ACOT7: variants seen among roughly 807,000 people sequenced by gnomAD.
The protein encoded by ACOT7 is cytosolic acyl coenzyme A thioester hydrolase.
ACOT7 carries 12 observed loss-of-function variants against 40.2 expected under a neutral mutation model. The observed-to-expected ratio is 0.30, with a 90% CI of 0.19 to 0.48. ACOT7 has a LOEUF of 0.48. ACOT7 is among the 20% of genes least tolerant of loss of function. The pLI is 0.99. For synonymous variants in ACOT7, 228 were observed against 219.5 expected (o/e 1.04, Z -0.34); for missense variants, 395 against 530.8 (o/e 0.74, Z 2.51).
intron 1 of ACOT7, among the ~76,000 whole-genome samples, chr1:6,378,896 G>T (rs1283093619): frequency 6.6e-6 from 1 of 151,634 alleles, no homozygotes; most frequent in African/African-American, 2.4e-5. Context: ...TATTGCTCAA[G>T]GACTTTTTTT....
At chr1:6,320,237 A>G (rs1170085248) in intron 5 of ACOT7, among the ~76,000 whole-genome samples, 1 of 152,228 alleles carries the variant, frequency 6.6e-6, no homozygotes, top group East Asian at 1.9e-4. Context: ...GGGATCCGAA[A>G]AGGAGAGTTT....
Position 6,288,779 on chromosome 1 carries a change from T to G in ACOT7, c.829+6085A>C, listed in dbSNP as rs1254469954. Among the ~76,000 whole-genome samples the G allele has an allele frequency of 6.6e-6, 1 of 152,198 alleles. No individual in the cohort carries two copies. Among genetic ancestry groups the G allele is most frequent in the African/African-American group, 2.4e-5 (1 of 41,450 alleles). ...TGAGGCCTCTCCCAGCCACGACAAG[T>G]GCCCCAAGTTCGTAAGTTCCTCCTA... On this transcript the variant is annotated intron_variant, in intron 7 of 8. Transcript: ENST00000361521. The surrounding 1 kb of genome is among the most constrained non-coding windows in gnomAD (Gnocchi z 4.3).
chr1:6,329,304 A>C (rs1283149556), intron 4 of ACOT7, among the ~76,000 whole-genome samples: 2 of 152,218 alleles, frequency 1.3e-5, no homozygotes, highest in Non-Finnish European at 2.9e-5. Flanking sequence ...GTTTGTTCAA[A>C]AGAAGCAAAC....
intron 3 of ACOT7, among the ~76,000 whole-genome samples, chr1:6,335,198 GT>G (rs2148439970): frequency 6.6e-6 from 1 of 152,012 alleles, no homozygotes; most frequent in South Asian, 2.1e-4. Flanking sequence ...GGGCGTGGTG[GT>G]GCCTGTAATC....
chr1:6,274,558 A>C lies in ACOT7; in HGVS notation c.1014+6544T>G, dbSNP rs1571259884. Reference sequence around the variant, plus strand: ...TGAACCAGCTGAGGCCAGGAGAAGGAGGTCATAGGGCAGCAGCAGAAGCGA... The same window carrying C: ...TGAACCAGCTGAGGCCAGGAGAAGGCGGTCATAGGGCAGCAGCAGAAGCGA... On this transcript the variant is annotated intron_variant, in intron 8 of 8. Transcript: ENST00000361521. This position sits in a 1 kb window ranked among gnomAD's most constrained non-coding sequence, Gnocchi z 5.9. 6.6e-6 allele frequency among the ~76,000 whole-genome samples: 1 copy of C among 152,206 alleles called. No individual in the cohort carries two copies. The highest frequency in any genetic ancestry group is 1.9e-4 in the East Asian group (1 of 5,194).
rs368541754 is a variant in ACOT7 at position 6,358,796 on chromosome 1, C to T, written c.144-8930G>A. 940 of 1,606,946 alleles carry T rather than the reference C, an allele frequency of 5.8e-4. 3 individuals carry two copies. The highest frequency in any genetic ancestry group is 7.7e-4 in the Non-Finnish European group (905 of 1,173,644). On this transcript the variant is annotated intron_variant, in intron 1 of 8. Transcript: ENST00000361521. This position sits in a 1 kb window ranked among gnomAD's most constrained non-coding sequence, Gnocchi z 4.1. ...CAATCCACCCACAGTGGCCCCTGCA[C>T]GGCCTAGACATGCCCATGACTGGCA...
In ACOT7 at chr1:6,278,088, G is replaced by A. The variant is rs1489393346; in HGVS notation, c.1014+3014C>T. 6.6e-6 allele frequency among the ~76,000 whole-genome samples: 1 copy of A among 151,710 alleles called. No individual in the cohort carries two copies. The highest frequency in any genetic ancestry group is 1.5e-5 in the Non-Finnish European group (1 of 67,952). ...CACGCAGCGTCTGCAGTGGCGGGGG[G>A]TGGTTGGGAGGGGGTCTGGGGTGGC... On this transcript the variant is annotated intron_variant, in intron 8 of 8. Transcript: ENST00000361521. This position sits in a 1 kb window ranked among gnomAD's most constrained non-coding sequence, Gnocchi z 4.1.
chr1:6,269,722 T>C (rs1164551096), intron 8 of ACOT7, among the ~76,000 whole-genome samples: 1 of 152,168 alleles, frequency 6.6e-6, no homozygotes, highest in Non-Finnish European at 1.5e-5. Flanking sequence ...TGTCTGATGA[T>C]GGATGGATGT....
chr1:6,312,419 TTCCC>T (rs999826958), intron 6 of ACOT7, among the ~76,000 whole-genome samples: 11 of 151,866 alleles, frequency 7.2e-5, no homozygotes, highest in African/African-American at 1.7e-4. Context: ...CTTTCTTTCT[TTCCC>T]TCCCTCCCTC....
At chr1:6,380,241 G>A (rs1212213072) in intron 1 of ACOT7, among the ~76,000 whole-genome samples, 1 of 151,542 alleles carries the variant, frequency 6.6e-6, no homozygotes, top group Non-Finnish European at 1.5e-5. Context: ...AGAATCAATA[G>A]AACAGAGAGC....
intron 7 of ACOT7, among the ~76,000 whole-genome samples, chr1:6,290,697 T>C (rs550280718): frequency 3.9e-5 from 6 of 152,350 alleles, no homozygotes; most frequent in Non-Finnish European, 7.3e-5. Flanking sequence ...CTGGGGCTTA[T>C]GGAGGAGACG....
intron 1 of ACOT7, among the ~76,000 whole-genome samples, chr1:6,384,053 T>C (rs975879512): frequency 2.0e-5 from 3 of 151,914 alleles, no homozygotes; most frequent in African/African-American, 7.2e-5. Flanking sequence ...TCTTGCTATG[T>C]TGCCCAGGCT....
In ACOT7 at chr1:6,279,924, G is replaced by A. The variant is rs114376807; in HGVS notation, c.1014+1178C>T. Among the ~76,000 whole-genome samples the A allele has an allele frequency of 6.5e-4, 99 of 152,330 alleles. 1 individual carries two copies. Among genetic ancestry groups the A allele is most frequent in the African/African-American group, 2.0e-3 (84 of 41,576 alleles). ...GCCCTCCTCAGCCATGTGGGGAAGC[G>A]ACAGGCCGTGCTCCAGGCTCTGAGA... On this transcript the variant is annotated intron_variant, in intron 8 of 8. Transcript: ENST00000361521.
At position 6,299,581 on chromosome 1, in the gene ACOT7, A is replaced by G. The variant is rs1209042686; in HGVS notation, c.713-4601T>C. 6.6e-6 allele frequency among the ~76,000 whole-genome samples: 1 copy of G among 152,122 alleles called. No individual in the cohort carries two copies. The highest frequency in any genetic ancestry group is 1.5e-5 in the Non-Finnish European group (1 of 68,028). On this transcript the variant is annotated intron_variant, in intron 6 of 8. Transcript: ENST00000361521. The surrounding 1 kb of genome is among the most constrained non-coding windows in gnomAD (Gnocchi z 4.1). ...TCGGCCTCCCCTTACCGGACGCCACACACAGAGGGCAGAGAGGCCCACCCG... is the reference window on the plus strand; with the variant it reads ...TCGGCCTCCCCTTACCGGACGCCACGCACAGAGGGCAGAGAGGCCCACCCG...
At chr1:6,308,392 A>G (rs1640227129) in intron 6 of ACOT7, among the ~76,000 whole-genome samples, 1 of 151,580 alleles carries the variant, frequency 6.6e-6, no homozygotes, top group Non-Finnish European at 1.5e-5. Context: ...AGAGAGAACT[A>G]CAACCGGGCA....
chr1:6,393,421 A>G lies in ACOT7; in HGVS notation c.-22T>C, dbSNP rs1353634012. 4.1e-6 allele frequency: 5 copies of G among 1,221,504 alleles called. No individual in the cohort carries two copies. The highest frequency in any genetic ancestry group is 3.1e-4 in the Middle Eastern group (1 of 3,240). 75.7% of individuals were successfully genotyped at this position (1,221,504 alleles called of 1,614,324 possible). ...CCATAAAGGGGGAGGGCAGAGGTGG[A>G]GCGATGGGGCTGGTGAGGCGGGGCC... On this transcript the variant is annotated 5_prime_UTR_variant, in exon 1 of 9. Coordinates refer to ENST00000361521, the MANE Select transcript of ACOT7 (RefSeq NM_007274.4).
Position 6,357,955 on chromosome 1 carries a change from C to T in ACOT7, c.144-8089G>A, listed in dbSNP as rs563532216. On this transcript the variant is annotated intron_variant, in intron 1 of 8. Coordinates refer to ENST00000361521, the MANE Select transcript of ACOT7 (RefSeq NM_007274.4). ...GATCTTGGCTCTCTGCAACCTCCAC[C>T]TCCCGGGTTCAAGTGATTCTCCTAC... Among the ~76,000 whole-genome samples, 12 of 151,990 alleles carry T rather than the reference C, an allele frequency of 7.9e-5. No homozygotes were observed. In the East Asian group the frequency reaches 2.1e-3, roughly 27 times the overall value.
chr1:6,283,888 G>A (rs1012761945), intron 7 of ACOT7, among the ~76,000 whole-genome samples: 4 of 152,324 alleles, frequency 2.6e-5, no homozygotes, highest in East Asian at 3.9e-4. Flanking sequence ...CCAGCTACTC[G>A]GGAGGCTCAG....
chr1:6,369,974 G>A (rs1642097533), intron 1 of ACOT7, among the ~76,000 whole-genome samples: 1 of 152,194 alleles, frequency 6.6e-6, no homozygotes, highest in South Asian at 2.1e-4. Flanking sequence ...GTTTGGATAT[G>A]AGGATCCCTA....
Sources: allele counts gnomAD v4.1 joint callset (sites outside exome capture counted in the v4.1 genomes callset), GRCh38; gene constraint gnomAD v4.1.1; non-coding constraint Gnocchi (gnomAD v3.1); transcripts MANE v1.5; gene names NCBI Gene and HGNC (gene_info 2026-07-23, HGNC 2026-07-21).